DIS3L2: variants seen among roughly 807,000 people sequenced by gnomAD.
DIS3L2 encodes the protein DIS3 like 3'-5' exoribonuclease 2, also known as DIS3-like exonuclease 2.
In DIS3L2, 34 loss-of-function variants were observed where a neutral mutation model predicts 97.5. The ratio of observed to expected loss-of-function variants is 0.35; its 90% CI spans 0.27 to 0.46. DIS3L2 has a LOEUF of 0.46. Among genes scored for constraint, DIS3L2 ranks in the 20% least tolerant of loss-of-function variants. The pLI is 1.00. For missense variants in DIS3L2, 1,038 were observed against 1,146.0 expected (o/e 0.91, Z 1.36); for synonymous variants, 435 against 445.2 (o/e 0.98, Z 0.29).
chr2:232,190,859 G>A (rs1473716051), intron 9 of DIS3L2, among the ~76,000 whole-genome samples: 1 of 152,064 alleles, frequency 6.6e-6, no homozygotes, highest in Non-Finnish European at 1.5e-5. Context: ...GTGGTGTTGG[G>A]GGCACAGAAA....
At chr2:232,167,588 C>CAAG (rs1215302999) in intron 9 of DIS3L2, among the ~76,000 whole-genome samples, 1 of 152,194 alleles carries the variant, frequency 6.6e-6, no homozygotes, top group African/African-American at 2.4e-5. Context: ...ACTCATTTCT[C>CAAG]AGTCCTATTC....
intron 9 of DIS3L2, among the ~76,000 whole-genome samples, chr2:232,174,370 G>C (rs190360098): frequency 1.6e-3 from 247 of 152,118 alleles, no homozygotes; most frequent in African/African-American, 5.5e-3. Context: ...TGGATCACTT[G>C]AGATCAGGAG....
At chr2:232,315,418 A>G (rs1695244701) in intron 14 of DIS3L2, among the ~76,000 whole-genome samples, 1 of 152,224 alleles carries the variant, frequency 6.6e-6, no homozygotes, top group African/African-American at 2.4e-5. Flanking sequence ...GAGCCTGAAG[A>G]AAGGTGCCCA....
chr2:232,046,700 A>G (rs1366637902), intron 5 of DIS3L2, among the ~76,000 whole-genome samples: 1 of 152,248 alleles, frequency 6.6e-6, no homozygotes, highest in Non-Finnish European at 1.5e-5. Context: ...GTAGTTGGAA[A>G]AAACCCACTG....
intron 1 of DIS3L2, among the ~76,000 whole-genome samples, chr2:231,964,441 G>A (rs774011088): frequency 6.6e-6 from 1 of 152,210 alleles, no homozygotes; most frequent in East Asian, 1.9e-4. Flanking sequence ...GAAAGTAGGA[G>A]CAGGTGTTGT....
intron 6 of DIS3L2, among the ~76,000 whole-genome samples, chr2:232,102,439 A>G (rs1303761387): frequency 6.6e-6 from 1 of 152,202 alleles, no homozygotes; most frequent in Non-Finnish European, 1.5e-5. Context: ...CTTAGGTGCG[A>G]TAATGATATT....
At chr2:232,291,534 G>A (rs1029029975) in intron 13 of DIS3L2, among the ~76,000 whole-genome samples, 4 of 152,206 alleles carry the variant, frequency 2.6e-5, no homozygotes, top group South Asian at 2.1e-4. Flanking sequence ...TTCCCAGGCC[G>A]GCCTTGACCT....
intron 1 of DIS3L2, among the ~76,000 whole-genome samples, chr2:232,012,560 G>A (rs189915401): frequency 6.6e-5 from 10 of 150,764 alleles, no homozygotes; most frequent in African/African-American, 2.4e-4. Flanking sequence ...TGCCGCGTTT[G>A]TTTTCTTAGT....
At chr2:232,282,675 A>G (rs1336027989) in intron 13 of DIS3L2, among the ~76,000 whole-genome samples, 1 of 152,210 alleles carries the variant, frequency 6.6e-6, no homozygotes, top group Admixed American at 6.5e-5. Flanking sequence ...AGGAGTATCC[A>G]TGCAGCACCT....
chr2:232,086,349 G>GTA (rs36085232), intron 5 of DIS3L2, among the ~76,000 whole-genome samples: 9 of 125,250 alleles, frequency 7.2e-5, no homozygotes, highest in Non-Finnish European at 1.3e-4. Context: ...ATACATATAT[G>GTA]TATATATATG....
chr2:232,332,283 G>C (rs1238704859), intron 16 of DIS3L2, among the ~76,000 whole-genome samples: 1 of 151,902 alleles, frequency 6.6e-6, no homozygotes, highest in Non-Finnish European at 1.5e-5. Context: ...ACTTAACCCA[G>C]GGCCCAGCAG....
intron 9 of DIS3L2, among the ~76,000 whole-genome samples, chr2:232,208,276 C>T (rs1574946406): frequency 6.6e-6 from 1 of 151,890 alleles, no homozygotes; most frequent in African/African-American, 2.4e-5. Flanking sequence ...TCTTCTTCTC[C>T]TCTCCTCTTC....
At chr2:232,246,838 T>C (rs1027184303) in intron 11 of DIS3L2, among the ~76,000 whole-genome samples, 6 of 6,848 alleles carry the variant, frequency 8.8e-4, no homozygotes, top group Non-Finnish European at 1.5e-3. Flanking sequence ...TTATTTCATA[T>C]TTAAATGTGT....
intron 1 of DIS3L2, among the ~76,000 whole-genome samples, chr2:232,001,235 A>T (rs1308243671): frequency 6.6e-6 from 1 of 152,142 alleles, no homozygotes; most frequent in Non-Finnish European, 1.5e-5. Context: ...TGTGTTTTCG[A>T]TAATAGCCAT....
At chr2:232,155,922 G>A (rs990417933) in intron 8 of DIS3L2, among the ~76,000 whole-genome samples, 19 of 151,966 alleles carry the variant, frequency 1.3e-4, no homozygotes, top group Admixed American at 7.9e-4. Flanking sequence ...CCCGGGAGGC[G>A]GAGCTTGCAG....
intron 5 of DIS3L2, among the ~76,000 whole-genome samples, chr2:232,046,661 GTC>G (rs1695252279): frequency 6.6e-6 from 1 of 152,058 alleles, no homozygotes; most frequent in Non-Finnish European, 1.5e-5. Context: ...CTCCAGTTAG[GTC>G]TAACAATTGA....
Position 232,051,358 on chromosome 2 carries a change from G to A in DIS3L2, c.366+21278G>A, listed in dbSNP as rs10933385. On this transcript the variant is annotated intron_variant, in intron 5 of 20. Coordinates refer to ENST00000325385, the MANE Select transcript of DIS3L2 (RefSeq NM_152383.5). Reference sequence around the variant, plus strand: ...CCACCTGTTAACTGGCATACAGTAGGCAGGGAATAGATACTTTTTGAACAA... The same window carrying A: ...CCACCTGTTAACTGGCATACAGTAGACAGGGAATAGATACTTTTTGAACAA... Among the ~76,000 whole-genome samples, 6,712 of 152,212 alleles carry A rather than the reference G, an allele frequency of 0.044. 796 individuals are homozygous for A. The East Asian group carries it at 0.46, about 10-fold the overall frequency.
chr2:232,327,889 C>T (rs1455780979), intron 14 of DIS3L2, among the ~76,000 whole-genome samples: 2 of 152,206 alleles, frequency 1.3e-5, no homozygotes, highest in Non-Finnish European at 1.5e-5. Flanking sequence ...TCTCTGCGTC[C>T]ATGACAGCCC....
chr2:232,156,988 TTC>T (rs1690512330), intron 8 of DIS3L2, among the ~76,000 whole-genome samples: 1 of 152,220 alleles, frequency 6.6e-6, no homozygotes, highest in South Asian at 2.1e-4. Context: ...ATTGGCAATT[TTC>T]TGTGCCTCAA....
Sources: allele counts gnomAD v4.1 joint callset (sites outside exome capture counted in the v4.1 genomes callset), GRCh38; gene constraint gnomAD v4.1.1; transcripts MANE v1.5; gene names NCBI Gene and HGNC (gene_info 2026-07-23, HGNC 2026-07-21).